TAFA2: variants seen among roughly 807,000 people sequenced by gnomAD.
The protein encoded by TAFA2 is chemokine-like protein TAFA-2.
A neutral mutation model predicts 18.8 loss-of-function variants in TAFA2; 7 were observed. That is an observed-to-expected ratio of 0.37 (90% confidence interval 0.21 to 0.70). TAFA2 has a LOEUF of 0.70. Among genes scored for constraint, TAFA2 ranks in the 30% least tolerant of loss-of-function variants. TAFA2 has a pLI of 0.53. For missense variants in TAFA2, 122 were observed against 158.1 expected (o/e 0.77, Z 1.23); for synonymous variants, 60 against 54.2 (o/e 1.11, Z -0.47).
chr12:62,088,930 ACGCG>A (rs773719964), intron 1 of TAFA2, among the ~76,000 whole-genome samples: 54 of 150,150 alleles, frequency 3.6e-4, no homozygotes, highest in Non-Finnish European at 7.6e-4. Flanking sequence ...GTGTGTGTGC[ACGCG>A]CGCGCACGCA....
intron 1 of TAFA2, among the ~76,000 whole-genome samples, chr12:62,062,199 A>C (rs1038594807): frequency 1.3e-5 from 2 of 152,124 alleles, no homozygotes; most frequent in African/African-American, 4.8e-5. Flanking sequence ...GCAAAACATA[A>C]AACTCCCTTA....
At chr12:61,996,685 C>T (rs1340588011) in intron 1 of TAFA2, among the ~76,000 whole-genome samples, 2 of 152,138 alleles carry the variant, frequency 1.3e-5, no homozygotes, top group Non-Finnish European at 2.9e-5. Flanking sequence ...CACTCTTCTC[C>T]TCTTTCTCTC....
chr12:61,809,118 G>A (rs760378825), intron 2 of TAFA2, among the ~76,000 whole-genome samples: 14 of 151,498 alleles, frequency 9.2e-5, no homozygotes, highest in East Asian at 1.9e-4. Flanking sequence ...GCATGTGCAC[G>A]TGTGTGCATA....
intron 1 of TAFA2, among the ~76,000 whole-genome samples, chr12:61,884,088 A>G (rs1875263204): frequency 6.6e-6 from 1 of 152,216 alleles, no homozygotes; most frequent in African/African-American, 2.4e-5. Flanking sequence ...TGTCAAGCCA[A>G]AAGAGCAGGC....
intron 1 of TAFA2, among the ~76,000 whole-genome samples, chr12:62,172,636 A>T (rs2062486043): frequency 6.6e-6 from 1 of 152,212 alleles, no homozygotes; most frequent in Non-Finnish European, 1.5e-5. Context: ...AACTATGTCA[A>T]AAGTTATTTC....
intron 2 of TAFA2, among the ~76,000 whole-genome samples, chr12:61,762,628 ATT>A (rs201062747): frequency 9.8e-6 from 1 of 102,470 alleles, no homozygotes; most frequent in Non-Finnish European, 2.1e-5. Flanking sequence ...TTCTAATTTC[ATT>A]TTTTATATAT....
At chr12:61,753,831 C>T in intron 3 of TAFA2, 85 bp from the exon 4 acceptor site, 1 of 1,220,202 alleles carries the variant, frequency 8.2e-7, no homozygotes, top group Non-Finnish European at 1.1e-6. Context: ...ACAAAAGCCA[C>T]TAATTTTTCC....
intron 1 of TAFA2, among the ~76,000 whole-genome samples, chr12:61,941,441 G>A (rs1019054032): frequency 6.6e-6 from 1 of 152,132 alleles, no homozygotes; most frequent in Non-Finnish European, 1.5e-5. Flanking sequence ...GAATTTTGTT[G>A]GGGAGGAGCC....
chr12:62,234,741 T>C, intron 1 of TAFA2: 3 of 1,109,038 alleles, frequency 2.7e-6, no homozygotes, highest in Non-Finnish European at 2.8e-6. Flanking sequence ...AGTCCTTTCC[T>C]GAGGCCTGGA....
chr12:62,204,899 A>G (rs577217795), intron 1 of TAFA2, among the ~76,000 whole-genome samples: 61 of 152,258 alleles, frequency 4.0e-4, no homozygotes, highest in African/African-American at 1.4e-3. Flanking sequence ...TTGGAGGAGA[A>G]GAGGTATTCT....
At chr12:62,141,983 C>T (rs760776018) in intron 1 of TAFA2, among the ~76,000 whole-genome samples, 100 of 152,120 alleles carry the variant, frequency 6.6e-4, no homozygotes, top group Non-Finnish European at 5.9e-4. Context: ...TATTAACAAC[C>T]ACGTATTGAG....
At chr12:61,849,564 C>T (rs185501819) in intron 2 of TAFA2, among the ~76,000 whole-genome samples, 114 of 152,244 alleles carry the variant, frequency 7.5e-4, no homozygotes, top group African/African-American at 2.6e-3. Flanking sequence ...AGATACTCAA[C>T]ATATTAGTGA....
At chr12:61,718,293 C>A (rs1869748865) in intron 4 of TAFA2, among the ~76,000 whole-genome samples, 1 of 152,200 alleles carries the variant, frequency 6.6e-6, no homozygotes, top group African/African-American at 2.4e-5. Context: ...GCCATTTATG[C>A]ACATTCATCC....
chr12:61,731,932 A>AT (rs1367141044), intron 4 of TAFA2, among the ~76,000 whole-genome samples: 2 of 152,102 alleles, frequency 1.3e-5, no homozygotes, highest in African/African-American at 4.8e-5. Context: ...GGGAGGCACT[A>AT]TCCTAGGTGT....
At chr12:61,884,084 G>A (rs530799862) in intron 1 of TAFA2, among the ~76,000 whole-genome samples, 78 of 152,242 alleles carry the variant, frequency 5.1e-4, no homozygotes, top group Admixed American at 2.2e-3. Flanking sequence ...GTAATGTCAA[G>A]CCAAAAGAGC....
intron 1 of TAFA2, among the ~76,000 whole-genome samples, chr12:61,889,672 T>C (rs117733054): frequency 5.4e-4 from 83 of 152,332 alleles, no homozygotes; most frequent in Non-Finnish European, 9.8e-4. Flanking sequence ...ATTTTAATAG[T>C]TTACAGCTAA....
intron 1 of TAFA2, among the ~76,000 whole-genome samples, chr12:62,113,112 G>A (rs941256823): frequency 1.1e-4 from 17 of 152,046 alleles, no homozygotes; most frequent in African/African-American, 3.9e-4. Flanking sequence ...TCCTCATCTT[G>A]GTGAATTTAT....
intron 2 of TAFA2, among the ~76,000 whole-genome samples, chr12:61,771,179 AG>A (rs1277962728): frequency 1.3e-5 from 2 of 152,078 alleles, no homozygotes; most frequent in Non-Finnish European, 2.9e-5. Context: ...AAAAAAGACT[AG>A]TCCAACATGA....
intron 2 of TAFA2, among the ~76,000 whole-genome samples, chr12:61,780,462 G>A (rs1870456673): frequency 6.6e-6 from 1 of 151,804 alleles, no homozygotes; most frequent in Non-Finnish European, 1.5e-5. Context: ...CTTTCTTACA[G>A]CATTTACTTT....
Sources: allele counts gnomAD v4.1 joint callset (sites outside exome capture counted in the v4.1 genomes callset), GRCh38; gene constraint gnomAD v4.1.1; transcripts MANE v1.5; gene names NCBI Gene and HGNC (gene_info 2026-07-23, HGNC 2026-07-21).